The following CNTN6 variants were observed in gnomAD, a reference collection of about 807,000 sequenced individuals.
CNTN6 encodes contactin 6.
In CNTN6, 137 loss-of-function variants were observed where a neutral mutation model predicts 122.8. The observed-to-expected ratio is 1.12, with a 90% CI of 0.97 to 1.29. CNTN6 has a LOEUF of 1.29. Ranked by LOEUF, CNTN6 falls within the 50% of genes most tolerant of loss-of-function variation. CNTN6 has a pLI of 0.00. For synonymous variants in CNTN6, 570 were observed against 426.0 expected (o/e 1.34, Z -4.16); for missense variants, 1,634 against 1,223.4 (o/e 1.34, Z -5.01).
At chr3:1,289,828 C>T (rs546638336) in intron 5 of CNTN6, among the ~76,000 whole-genome samples, 1 of 152,184 alleles carries the variant, frequency 6.6e-6, no homozygotes, top group East Asian at 1.9e-4. Flanking sequence ...GTGCCCAACA[C>T]CACGCCCAGC....
Position 1,352,391 on chromosome 3 carries a change from A to G in CNTN6, c.1432A>G (p.Thr478Ala), listed in dbSNP as rs1230744571. ...TACCAGGTCAGATGCTGGATCATAT[A>G]CATGCATAGCCACAAATCAGTTTGG... ...NITRSDAGSYTCIATNQFGTA... is the reference protein window; with the variant it reads ...NITRSDAGSYACIATNQFGTA... Residue 478 changes from threonine to alanine, a missense_variant, in exon 12 of 23, where the codon ACA becomes GCA. Transcript: ENST00000446702. 3.1e-6 allele frequency: 5 copies of G among 1,607,516 alleles called. No individual in the cohort carries two copies. The highest frequency in any genetic ancestry group is 4.3e-6 in the Non-Finnish European group (5 of 1,175,726).
intron 4 of CNTN6, among the ~76,000 whole-genome samples, chr3:1,272,418 T>C (rs899100534): frequency 2.0e-5 from 3 of 152,134 alleles, no homozygotes; most frequent in Non-Finnish European, 4.4e-5. Flanking sequence ...ATTCAATGAG[T>C]GTACTTATCA....
At chr3:1,353,045 A>G (rs1172078417) in intron 12 of CNTN6, among the ~76,000 whole-genome samples, 2 of 151,762 alleles carry the variant, frequency 1.3e-5, no homozygotes, top group African/African-American at 4.8e-5. Context: ...AGATTTCTAA[A>G]TCAGTATCAA....
At chr3:1,365,389 A>T (rs1380860505) in intron 12 of CNTN6, among the ~76,000 whole-genome samples, 2 of 152,046 alleles carry the variant, frequency 1.3e-5, no homozygotes, top group South Asian at 4.1e-4. Flanking sequence ...TCAAATTTCC[A>T]TAATAGTCTC....
chr3:1,186,684 G>A (rs1377236742), intron 2 of CNTN6, among the ~76,000 whole-genome samples: 1 of 152,116 alleles, frequency 6.6e-6, no homozygotes. Context: ...AAGTGGCTGT[G>A]GGGAGGAGCG....
intron 7 of CNTN6, among the ~76,000 whole-genome samples, chr3:1,314,788 G>A (rs73816299): frequency 0.022 from 3,274 of 151,982 alleles, 106 homozygotes; most frequent in African/African-American, 0.074. Flanking sequence ...GAAAAACTTT[G>A]CTTTTATCAT....
chr3:1,134,724 T>A (rs1179457207), intron 1 of CNTN6, among the ~76,000 whole-genome samples: 2 of 152,146 alleles, frequency 1.3e-5, no homozygotes, highest in African/African-American at 4.8e-5. Flanking sequence ...TTCCGGGTAG[T>A]TTAAAAAATC....
intron 9 of CNTN6, among the ~76,000 whole-genome samples, 191 bp from the exon 10 acceptor site, chr3:1,327,266 A>C (rs1009273785): frequency 1.3e-5 from 2 of 151,898 alleles, no homozygotes; most frequent in African/African-American, 2.4e-5. Context: ...ACACACTAGT[A>C]ACCACTAAAA....
intron 4 of CNTN6, among the ~76,000 whole-genome samples, chr3:1,250,395 C>T (rs2094645565): frequency 6.6e-6 from 1 of 152,162 alleles, no homozygotes; most frequent in African/African-American, 2.4e-5. Context: ...GGGAAAATGT[C>T]AGAGTCTGTG....
chr3:1,237,840 A>C (rs1485796214), intron 4 of CNTN6, among the ~76,000 whole-genome samples: 1 of 152,194 alleles, frequency 6.6e-6, no homozygotes, highest in Non-Finnish European at 1.5e-5. Context: ...TTTTCCAGAC[A>C]AATAAATGCT....
intron 12 of CNTN6, among the ~76,000 whole-genome samples, chr3:1,367,006 C>CA (rs1265479099): frequency 3.3e-5 from 5 of 151,892 alleles, no homozygotes; most frequent in African/African-American, 7.3e-5. Context: ...ACTTTTTCAG[C>CA]AAAAAATGCA....
chr3:1,178,813 C>T (rs192441572), intron 2 of CNTN6, among the ~76,000 whole-genome samples: 1 of 152,122 alleles, frequency 6.6e-6, no homozygotes, highest in African/African-American at 2.4e-5. Flanking sequence ...GCTTCCACTT[C>T]CTTTGGTTAT....
intron 4 of CNTN6, among the ~76,000 whole-genome samples, chr3:1,229,131 G>T (rs529418533): frequency 2.0e-5 from 3 of 152,318 alleles, no homozygotes; most frequent in African/African-American, 7.2e-5. Context: ...AGAAGTGAAC[G>T]TGGAAGTTTA....
intron 2 of CNTN6, among the ~76,000 whole-genome samples, chr3:1,211,827 G>C (rs982763885): frequency 2.0e-5 from 3 of 152,130 alleles, no homozygotes; most frequent in Non-Finnish European, 4.4e-5. Context: ...TCTTGGGAGA[G>C]AGAAACACCA....
intron 4 of CNTN6, among the ~76,000 whole-genome samples, chr3:1,234,732 ATT>A (rs1329824876): frequency 6.6e-6 from 1 of 152,142 alleles, no homozygotes; most frequent in Admixed American, 6.5e-5. Flanking sequence ...ATGAAGAAAT[ATT>A]TTTTCTTTAA....
intron 11 of CNTN6, among the ~76,000 whole-genome samples, chr3:1,339,234 T>A (rs559985355): frequency 1.2e-3 from 179 of 152,248 alleles, no homozygotes; most frequent in African/African-American, 4.3e-3. Flanking sequence ...CCCCACTCAA[T>A]GCCCTCCTCA....
chr3:1,183,863 G>C (rs1245316031), intron 2 of CNTN6, among the ~76,000 whole-genome samples: 1 of 152,150 alleles, frequency 6.6e-6, no homozygotes, highest in Non-Finnish European at 1.5e-5. Flanking sequence ...GGTCACTCAT[G>C]ACTGGGTTGT....
chr3:1,392,166 CTACAGTAACCAAAACAGCATGG>C (rs1341188504), intron 20 of CNTN6, among the ~76,000 whole-genome samples: 2 of 152,376 alleles, frequency 1.3e-5, no homozygotes, highest in Admixed American at 6.5e-5. Flanking sequence ...TACTACAAGG[CTACAGTAACCAAAACAGCATGG>C]TACTGGTACC....
At chr3:1,354,563 GTCTTT>G (rs1706241737) in intron 12 of CNTN6, among the ~76,000 whole-genome samples, 1 of 150,228 alleles carries the variant, frequency 6.7e-6, no homozygotes, top group South Asian at 2.1e-4. Flanking sequence ...TTTTTTTCTT[GTCTTT>G]TCTTCCCTTC....
Sources: allele counts gnomAD v4.1 joint callset (sites outside exome capture counted in the v4.1 genomes callset), GRCh38; gene constraint gnomAD v4.1.1; transcripts MANE v1.5; gene names NCBI Gene and HGNC (gene_info 2026-07-23, HGNC 2026-07-21).